The following EIF4B variants were observed in gnomAD, a reference collection of about 807,000 sequenced individuals.
EIF4B encodes eukaryotic translation initiation factor 4B.
A neutral mutation model predicts 79.3 loss-of-function variants in EIF4B; 8 were observed. The ratio of observed to expected loss-of-function variants is 0.10; its 90% CI spans 0.06 to 0.18. The LOEUF (loss-of-function observed/expected upper bound fraction) is 0.18, where lower values mean the gene tolerates loss of function less well. Ranked by LOEUF, EIF4B falls within the 10% of genes least tolerant of loss-of-function variation. The pLI, the probability that EIF4B is intolerant of heterozygous loss-of-function variation, is 1.00. For synonymous variants in EIF4B, 238 were observed against 274.7 expected (o/e 0.87, Z 1.32); for missense variants, 515 against 792.4 (o/e 0.65, Z 4.20).
rs187281137 is a variant in EIF4B, at chr12:53,019,215, G to A, written c.360+209G>A. Reference sequence around the variant, plus strand: ...GGAATTCGAGTCCAGCCTGGCTAACGTGGTGAGACCCTGTCTCTACTAAGA... The same window carrying A: ...GGAATTCGAGTCCAGCCTGGCTAACATGGTGAGACCCTGTCTCTACTAAGA... On this transcript the variant is annotated intron_variant, in intron 3 of 14. Coordinates refer to ENST00000262056, the MANE Select transcript of EIF4B (RefSeq NM_001417.7). 5.7e-3 allele frequency among the ~76,000 whole-genome samples: 869 copies of A among 151,948 alleles called. 10 individuals carry two copies. Among genetic ancestry groups the A allele is most frequent in the African/African-American group, 0.02 (825 of 41,482 alleles).
At chr12:53,030,331 G>GGT (rs1192142086) in intron 8 of EIF4B, among the ~76,000 whole-genome samples, 1 of 142,970 alleles carries the variant, frequency 7.0e-6, no homozygotes, top group East Asian at 2.1e-4. Context: ...AGTTAGCCAA[G>GGT]GTCTCATTTC....
At chr12:53,007,968 T>C (rs1327819306) in intron 1 of EIF4B, among the ~76,000 whole-genome samples, 1 of 152,236 alleles carries the variant, frequency 6.6e-6, no homozygotes, top group Non-Finnish European at 1.5e-5. Flanking sequence ...TTGAGACTCC[T>C]TAGCAACTTA....
chr12:53,007,332 C>G (rs780884490), intron 1 of EIF4B, among the ~76,000 whole-genome samples: 1 of 151,432 alleles, frequency 6.6e-6, no homozygotes, highest in Non-Finnish European at 1.5e-5. Context: ...GCATTTTTTA[C>G]TCAGCGCAGC....
At chr12:53,028,850 G>A (rs1381796985) in intron 8 of EIF4B, among the ~76,000 whole-genome samples, 1 of 152,062 alleles carries the variant, frequency 6.6e-6, no homozygotes, top group Non-Finnish European at 1.5e-5. Flanking sequence ...TTAAGGCCAG[G>A]TGCAGTGGCT....
intron 8 of EIF4B, among the ~76,000 whole-genome samples, chr12:53,029,083 C>T (rs140308371): frequency 6.6e-6 from 1 of 151,360 alleles, no homozygotes; most frequent in African/African-American, 2.4e-5. Context: ...TGAGATCGCA[C>T]CACTGCACTC....
chr12:53,035,227 C>T (rs375542006), intron 10 of EIF4B, among the ~76,000 whole-genome samples: 8 of 151,942 alleles, frequency 5.3e-5, no homozygotes, highest in African/African-American at 1.9e-4. Context: ...TGTTTTGAGA[C>T]AGGGTCTTAC....
intron 1 of EIF4B, chr12:53,012,146 C>T (rs1327064929): frequency 6.6e-6 from 1 of 152,186 alleles, no homozygotes; most frequent in African/African-American, 2.4e-5. Flanking sequence ...ATTGATTTTG[C>T]TTTCCAAGGG....
intron 8 of EIF4B, among the ~76,000 whole-genome samples, chr12:53,033,334 C>CTTT (rs11455422): frequency 2.1e-5 from 3 of 142,324 alleles, no homozygotes; most frequent in Non-Finnish European, 3.0e-5. Flanking sequence ...TACCTATTTT[C>CTTT]TTTTTTTTTT....
chr12:53,023,511 G>T (rs539469080), intron 6 of EIF4B, among the ~76,000 whole-genome samples: 1 of 150,578 alleles, frequency 6.6e-6, no homozygotes, highest in Non-Finnish European at 1.5e-5. Flanking sequence ...GATTACAGGC[G>T]TGAGCCACTG....
chr12:53,030,316 G>T (rs899099564), intron 8 of EIF4B, among the ~76,000 whole-genome samples: 1 of 147,088 alleles, frequency 6.8e-6, no homozygotes, highest in Admixed American at 6.9e-5. Context: ...GGAGGTCAAG[G>T]CTGCAGTTAG....
intron 1 of EIF4B, among the ~76,000 whole-genome samples, chr12:53,015,861 C>T (rs1400055182): frequency 2.6e-5 from 4 of 151,468 alleles, no homozygotes; most frequent in African/African-American, 9.7e-5. Flanking sequence ...GCCTGTAATC[C>T]CAAGTATTCG....
chr12:53,022,990 C>T (rs1332807511), intron 6 of EIF4B, among the ~76,000 whole-genome samples: 2 of 151,826 alleles, frequency 1.3e-5, no homozygotes, highest in South Asian at 2.1e-4. Context: ...AAAACAAGAC[C>T]CTGTCTACCA....
chr12:53,010,488 T>C (rs1435946484), intron 1 of EIF4B, among the ~76,000 whole-genome samples: 4 of 152,176 alleles, frequency 2.6e-5, no homozygotes, highest in Non-Finnish European at 5.9e-5. Context: ...AGGTGAAATA[T>C]TGTATTACAT....
intron 4 of EIF4B, among the ~76,000 whole-genome samples, chr12:53,021,152 T>C (rs1230695069): frequency 6.6e-6 from 1 of 152,176 alleles, no homozygotes; most frequent in African/African-American, 2.4e-5. Context: ...TAAATAATGA[T>C]GTGGGAAAGG....
intron 10 of EIF4B, among the ~76,000 whole-genome samples, chr12:53,034,956 CTTTTTTTTT>C (rs72498436): frequency 5.5e-5 from 5 of 90,156 alleles, no homozygotes; most frequent in East Asian, 3.5e-4. Context: ...TTGTCTCTCT[CTTTTTTTTT>C]TTTTTTTTTT....
At chr12:53,010,335 A>G (rs1018479739) in intron 1 of EIF4B, among the ~76,000 whole-genome samples, 1 of 152,130 alleles carries the variant, frequency 6.6e-6, no homozygotes, top group African/African-American at 2.4e-5. Context: ...CCCCAACTAA[A>G]TCAAAAGGTG....
At chr12:53,011,868 T>G (rs368136169) in intron 1 of EIF4B, among the ~76,000 whole-genome samples, 3 of 152,334 alleles carry the variant, frequency 2.0e-5, no homozygotes, top group South Asian at 4.1e-4. Flanking sequence ...GTGAGGTGAT[T>G]GATTTGTTAA....
chr12:53,007,420 C>CTTTTT lies in EIF4B; in HGVS notation c.13+948_13+952dup, dbSNP rs56017954. Among the ~76,000 whole-genome samples the CTTTTT allele has an allele frequency of 2.3e-3, 213 of 92,246 alleles. 28 individuals carry two copies. The highest frequency in any genetic ancestry group is 9.9e-3 in the African/African-American group (194 of 19,652). 60.5% of individuals were successfully genotyped at this position (92,246 alleles called of 152,430 possible). Reference sequence around the variant, plus strand: ...GATAGCTCCAATGGTAGATTTCAGCCTTTTTTTTTTTTTTTTTTTTTTTTT... The same window carrying CTTTTT: ...GATAGCTCCAATGGTAGATTTCAGCCTTTTTTTTTTTTTTTTTTTTTTTTTTTTTT... On this transcript the variant is annotated intron_variant, in intron 1 of 14. Transcript: ENST00000262056.
chr12:53,039,352 G>A lies in EIF4B; in HGVS notation c.1682+9G>A, dbSNP rs753809537. 2.6e-5 allele frequency: 40 copies of A among 1,567,342 alleles called. No homozygotes were observed. Among genetic ancestry groups the A allele is most frequent in the Non-Finnish European group, 3.2e-5 (37 of 1,148,438 alleles). The stretch of plus-strand genomic sequence containing the variant: ...TGGAAGGAGTCAGATAGGTATGCTT[G>A]TTCTCTTTCTCATCTTTCCTCTGAT... On this transcript the variant is annotated intron_variant, in intron 13 of 14. Coordinates refer to ENST00000262056, the MANE Select transcript of EIF4B (RefSeq NM_001417.7).
Sources: allele counts gnomAD v4.1 joint callset (sites outside exome capture counted in the v4.1 genomes callset), GRCh38; gene constraint gnomAD v4.1.1; transcripts MANE v1.5; gene names NCBI Gene and HGNC (gene_info 2026-07-23, HGNC 2026-07-21).